KLRK1: variants seen among roughly 807,000 people sequenced by gnomAD.
KLRK1 encodes NKG2-D type II integral membrane protein.
A neutral mutation model predicts 31.3 loss-of-function variants in KLRK1; 40 were observed. The observed-to-expected ratio is 1.28, with a 90% CI of 0.99 to 1.67. The LOEUF is 1.67. Among genes scored for constraint, KLRK1 ranks in the 40% most tolerant of loss-of-function variants. The pLI is 0.00. For missense variants in KLRK1, 251 were observed against 260.0 expected (o/e 0.97, Z 0.24); for synonymous variants, 77 against 77.3 (o/e 1.00, Z 0.02).
At chr12:10,380,985 A>G (rs1863064243) in intron 3 of KLRK1, among the ~76,000 whole-genome samples, 1 of 152,042 alleles carries the variant, frequency 6.6e-6, no homozygotes, top group Non-Finnish European at 1.5e-5. Context: ...ATTCCACCAA[A>G]TCCACCTAGA....
In KLRK1 at chr12:10,380,103, T is replaced by C. The variant is rs559290214; in HGVS notation, c.149-311A>G. On this transcript the variant is annotated intron_variant, in intron 3 of 7. Transcript: ENST00000240618. The stretch of plus-strand genomic sequence containing the variant: ...TTTTTTGAGACGGAGTCTCGCTCTG[T>C]CGCCCAGGCTGGAGTGCAGTGGCGC... Among the ~76,000 whole-genome samples the C allele has an allele frequency of 1.7e-4, 23 of 133,638 alleles. No individual in the cohort carries two copies. The South Asian group carries it at 5.2e-3, about 30-fold the overall frequency. The allele number at this position is 133,638 out of a possible 152,430, so 87.7% of individuals were successfully genotyped here. A position where few individuals can be genotyped will look rare whatever the true frequency, so the allele number is the denominator to read the frequency against.
intron 7 of KLRK1, among the ~76,000 whole-genome samples, chr12:10,376,963 C>T (rs1232828829): frequency 1.3e-5 from 2 of 152,202 alleles, no homozygotes; most frequent in African/African-American, 4.8e-5. Context: ...ATTACAGACA[C>T]CTGCCACCCC....
chr12:10,380,255 T>C (rs572828004), intron 3 of KLRK1, among the ~76,000 whole-genome samples: 48 of 152,080 alleles, frequency 3.2e-4, no homozygotes, highest in South Asian at 2.7e-3. Context: ...TTAGTAGAGA[T>C]AGGGTTTCAC....
At chr12:10,376,457 A>G (rs1362341242) in intron 7 of KLRK1, among the ~76,000 whole-genome samples, 1 of 152,174 alleles carries the variant, frequency 6.6e-6, no homozygotes, top group Non-Finnish European at 1.5e-5. Flanking sequence ...AGAATGCAAA[A>G]GACAATTTAG....
chr12:10,378,260 T>G, intron 6 of KLRK1, 25 bp from the exon 7 acceptor site: 1 of 1,600,178 alleles, frequency 6.2e-7, no homozygotes, highest in Non-Finnish European at 8.5e-7. Flanking sequence ...AAATAAACTA[T>G]AAGTAAAATC....
At chr12:10,382,817 C>T (rs915447702) in intron 3 of KLRK1, among the ~76,000 whole-genome samples, 30 of 152,014 alleles carry the variant, frequency 2.0e-4, no homozygotes, top group African/African-American at 7.0e-4. Context: ...TGATGTAAAT[C>T]CATACAAACA....
intron 7 of KLRK1, among the ~76,000 whole-genome samples, chr12:10,375,033 G>A (rs1862938046): frequency 2.3e-5 from 2 of 86,486 alleles, no homozygotes; most frequent in South Asian, 6.0e-4. Context: ...GAGAATCAAT[G>A]TTTTTTCTGT....
chr12:10,387,090 C>T (rs1863179667), intron 2 of KLRK1, 80 bp from the exon 3 acceptor site: 3 of 1,095,960 alleles, frequency 2.7e-6, no homozygotes, highest in Non-Finnish European at 3.9e-6. Context: ...TTCAGCTTGC[C>T]ATTTCCATCT....
At chr12:10,385,805 T>A (rs1325032009) in intron 3 of KLRK1, among the ~76,000 whole-genome samples, 1 of 152,034 alleles carries the variant, frequency 6.6e-6, no homozygotes. Context: ...AGGTGATGGG[T>A]GTGCTAATTA....
rs551703093 is a variant in KLRK1 at position 10,377,476 on chromosome 12, G to A, written c.533+656C>T. 2.0e-5 allele frequency among the ~76,000 whole-genome samples: 3 copies of A among 152,328 alleles called. No homozygotes were observed. In the East Asian group the frequency reaches 5.8e-4, roughly 29 times the overall value. On this transcript the variant is annotated intron_variant, in intron 7 of 7. Transcript: ENST00000240618. ...GAAATTAACTCTTTACTCATGCAATGAGATGGCTGAATCTCAAGATAACTT... is the reference window on the plus strand; with the variant it reads ...GAAATTAACTCTTTACTCATGCAATAAGATGGCTGAATCTCAAGATAACTT...
Position 10,379,498 on chromosome 12 carries a change from T to TAAGTA in KLRK1, c.242-21_242-17dup. The stretch of plus-strand genomic sequence containing the variant: ...TTGAATAATGCTATTAAAATAACCA[T>TAAGTA]AAGTATTAAAAGTTTGTATTGTTAG... On this transcript the variant is annotated splice_polypyrimidine_tract_variant and intron_variant, in intron 4 of 7. Coordinates refer to ENST00000240618, the MANE Select transcript of KLRK1 (RefSeq NM_007360.4). 1.4e-6 allele frequency: 2 copies of TAAGTA among 1,463,320 alleles called. No homozygotes were observed. Among genetic ancestry groups the TAAGTA allele is most frequent in the Non-Finnish European group, 1.9e-6 (2 of 1,070,816 alleles). The allele number at this position is 1,463,320 out of a possible 1,614,324, so 90.6% of individuals were successfully genotyped here.
At chr12:10,387,120 C>T (rs1863180496) in intron 2 of KLRK1, 110 bp from the exon 3 acceptor site, 2 of 692,288 alleles carry the variant, frequency 2.9e-6, no homozygotes, top group East Asian at 2.9e-5. Flanking sequence ...CCCTGACTAT[C>T]CTTTTTAAAG....
At chr12:10,375,054 C>T (rs889952987) in intron 7 of KLRK1, among the ~76,000 whole-genome samples, 2 of 150,742 alleles carry the variant, frequency 1.3e-5, no homozygotes, top group African/African-American at 4.9e-5. Flanking sequence ...TAAAAAAACT[C>T]TCAAGCCATA....
intron 3 of KLRK1, among the ~76,000 whole-genome samples, chr12:10,383,304 G>C (rs1203304820): frequency 6.6e-6 from 1 of 151,944 alleles, no homozygotes; most frequent in Admixed American, 6.6e-5. Context: ...GTATAGGGAT[G>C]AAAACAGATA....
intron 7 of KLRK1, among the ~76,000 whole-genome samples, chr12:10,374,852 A>G (rs1376450470): frequency 6.6e-6 from 1 of 152,202 alleles, no homozygotes; most frequent in African/African-American, 2.4e-5. Context: ...TATTCTACTC[A>G]TCTCTGTAGT....
At chr12:10,378,980 C>T (rs766088056) in intron 5 of KLRK1, 28 of 242,300 alleles carry the variant, frequency 1.2e-4, no homozygotes, top group Non-Finnish European at 1.8e-4. Context: ...ATGGTGAAAC[C>T]CTGCCTCTAC....
intron 4 of KLRK1, 63 bp from the exon 5 acceptor site, chr12:10,379,545 A>C (rs192224382): frequency 1.5e-6 from 2 of 1,320,540 alleles, no homozygotes; most frequent in African/African-American, 1.5e-5. Context: ...ATAAGCAAAT[A>C]TAGTTTACAA....
intron 7 of KLRK1, among the ~76,000 whole-genome samples, chr12:10,374,672 C>A (rs1862930741): frequency 6.6e-6 from 1 of 152,226 alleles, no homozygotes; most frequent in African/African-American, 2.4e-5. Flanking sequence ...AGCCACTGCA[C>A]CCGGCCTCAT....
chr12:10,387,831 C>T lies in KLRK1; in HGVS notation c.41-821G>A, dbSNP rs1050277197. 7.2e-5 allele frequency among the ~76,000 whole-genome samples: 11 copies of T among 152,216 alleles called. No homozygotes were observed. In the East Asian group the frequency reaches 2.1e-3, roughly 29 times the overall value. ...AAATTTCTGGGATTATAGGCATGAG[C>T]CACTGTGCCCAGCCATCTAATTTTC... On this transcript the variant is annotated intron_variant, in intron 2 of 7. Coordinates refer to ENST00000240618, the MANE Select transcript of KLRK1 (RefSeq NM_007360.4).
Sources: allele counts gnomAD v4.1 joint callset (sites outside exome capture counted in the v4.1 genomes callset), GRCh38; gene constraint gnomAD v4.1.1; transcripts MANE v1.5; gene names NCBI Gene and HGNC (gene_info 2026-07-23, HGNC 2026-07-21).